Variants in UBAC2 observed in about 807,000 individuals in gnomAD.
UBAC2 encodes UBA domain containing 2.
Under a neutral mutation model 44.0 loss-of-function variants are expected in UBAC2, and 26 were observed. That is an observed-to-expected ratio of 0.59 (90% CI 0.43 to 0.82). The LOEUF is 0.82. UBAC2 is among the 40% of genes least tolerant of loss of function. The pLI is 0.00. For missense variants in UBAC2, 329 were observed against 419.4 expected (o/e 0.78, Z 1.88); for synonymous variants, 155 against 154.3 (o/e 1.00, Z -0.04).
rs1331534294 is a variant in UBAC2, at chr13:99,295,956, T to G, written c.390-18141T>G. 6.2e-7 allele frequency: 1 copy of G among 1,613,996 alleles called. No homozygotes were observed. The highest frequency in any genetic ancestry group is 8.5e-7 in the Non-Finnish European group (1 of 1,180,006). The stretch of plus-strand genomic sequence containing the variant: ...TTTGTTGAATAGAGGGTGGTAGAGT[T>G]GATTTTTTTCCTGTTTTGAACAATG... On this transcript the variant is annotated intron_variant, in intron 4 of 8. Coordinates refer to ENST00000403766, the MANE Select transcript of UBAC2 (RefSeq NM_001144072.2). The surrounding 1 kb of genome is among the most constrained non-coding windows in gnomAD (Gnocchi z 4.1).
intron 7 of UBAC2, among the ~76,000 whole-genome samples, chr13:99,365,330 C>T (rs1244289099): frequency 1.3e-5 from 2 of 152,012 alleles, no homozygotes; most frequent in Non-Finnish European, 2.9e-5. Flanking sequence ...TTTCTACTTT[C>T]TTCTTTCTCA....
chr13:99,307,406 T>C (rs2044351843), intron 4 of UBAC2: 1 of 152,336 alleles, frequency 6.6e-6, no homozygotes, highest in East Asian at 1.9e-4. Context: ...AAGTAAGTTT[T>C]AACTGTGGCA....
chr13:99,317,352 A>T (rs557929782), intron 5 of UBAC2, among the ~76,000 whole-genome samples: 1 of 151,918 alleles, frequency 6.6e-6, no homozygotes, highest in South Asian at 2.1e-4. Flanking sequence ...AGTCCTTATG[A>T]TTTTTTTTTA....
intron 4 of UBAC2, among the ~76,000 whole-genome samples, chr13:99,301,550 T>TAG (rs1270357635): frequency 5.6e-4 from 86 of 152,352 alleles, no homozygotes; most frequent in Non-Finnish European, 8.4e-4. Context: ...TCATTGCTAA[T>TAG]AGAGTTGCTA....
intron 4 of UBAC2, among the ~76,000 whole-genome samples, chr13:99,306,159 G>C (rs573629787): frequency 4.6e-5 from 7 of 152,222 alleles, no homozygotes; most frequent in African/African-American, 1.4e-4. Flanking sequence ...GCCTCCCAAA[G>C]TGCTGGGATT....
intron 4 of UBAC2, among the ~76,000 whole-genome samples, chr13:99,293,351 A>G (rs1282359978): frequency 6.6e-6 from 1 of 152,140 alleles, no homozygotes; most frequent in African/African-American, 2.4e-5. Flanking sequence ...GTTGGCTCAT[A>G]CATCCCAGAA....
At chr13:99,377,143 G>A (rs1334758553) in intron 8 of UBAC2, 1 of 152,204 alleles carries the variant, frequency 6.6e-6, no homozygotes, top group Non-Finnish European at 1.5e-5. Context: ...TCTCTAACTG[G>A]TGCTGGGCAC....
In UBAC2 at chr13:99,295,163, C is replaced by T. The variant is rs1324731573; in HGVS notation, c.390-18934C>T. ...CTTCACAGCACTAGAAATCGATACACTGACTTGCCGTTTCAGCATCCTCAT... is the reference window on the plus strand; with the variant it reads ...CTTCACAGCACTAGAAATCGATACATTGACTTGCCGTTTCAGCATCCTCAT... On this transcript the variant is annotated intron_variant, in intron 4 of 8. Coordinates refer to ENST00000403766, the MANE Select transcript of UBAC2 (RefSeq NM_001144072.2). The surrounding 1 kb of genome is among the most constrained non-coding windows in gnomAD (Gnocchi z 4.1). The T allele has an allele frequency of 1.4e-5, 22 of 1,614,148 alleles. No homozygotes were observed. Among genetic ancestry groups the T allele is most frequent in the Non-Finnish European group, 1.8e-5 (21 of 1,180,016 alleles).
Position 99,345,511 on chromosome 13 carries a change from A to G in UBAC2, c.807+4946A>G, listed in dbSNP as rs564209443. Among the ~76,000 whole-genome samples the G allele has an allele frequency of 7.2e-5, 11 of 152,170 alleles. No homozygotes were observed. The South Asian group carries it at 8.3e-4, about 11-fold the overall frequency. On this transcript the variant is annotated intron_variant, in intron 7 of 8. Coordinates refer to ENST00000403766, the MANE Select transcript of UBAC2 (RefSeq NM_001144072.2). Reference sequence around the variant, plus strand: ...CACTCCCTAAATAGGTTGTTTCCCAAGACTCAGTTCTCTGCCTACTGAGCT... The same window carrying G: ...CACTCCCTAAATAGGTTGTTTCCCAGGACTCAGTTCTCTGCCTACTGAGCT...
intron 4 of UBAC2, among the ~76,000 whole-genome samples, chr13:99,267,288 A>G (rs1163713968): frequency 6.6e-6 from 1 of 152,142 alleles, no homozygotes. Context: ...GATGATTTGC[A>G]AATATTTTTT....
At chr13:99,252,487 A>G (rs1049459494) in intron 4 of UBAC2, among the ~76,000 whole-genome samples, 1 of 152,240 alleles carries the variant, frequency 6.6e-6, no homozygotes, top group African/African-American at 2.4e-5. Flanking sequence ...TAGAAATTGT[A>G]GCTGACATGA....
chr13:99,312,511 T>G (rs2044425542), intron 4 of UBAC2, among the ~76,000 whole-genome samples: 1 of 152,214 alleles, frequency 6.6e-6, no homozygotes, highest in South Asian at 2.1e-4. Context: ...CAAGGACTGC[T>G]TCTTTCTCTT....
intron 1 of UBAC2, among the ~76,000 whole-genome samples, chr13:99,228,945 T>C (rs906178005): frequency 1.3e-5 from 2 of 152,248 alleles, no homozygotes; most frequent in Non-Finnish European, 2.9e-5. Context: ...CAACTGTAAC[T>C]GGTAAATTCG....
intron 4 of UBAC2, among the ~76,000 whole-genome samples, chr13:99,305,328 T>G (rs2044316464): frequency 6.6e-6 from 1 of 152,162 alleles, no homozygotes; most frequent in Admixed American, 6.5e-5. Flanking sequence ...CCAGACTTCT[T>G]GAGAAGGTGA....
intron 4 of UBAC2, chr13:99,256,051 C>T (rs61970278): frequency 0.11 from 61,029 of 570,980 alleles, 4,182 homozygotes; most frequent in South Asian, 0.25. Flanking sequence ...AACTACTGAA[C>T]ATTCACAGTA....
chr13:99,328,539 A>G (rs1052633496), intron 6 of UBAC2, among the ~76,000 whole-genome samples: 17 of 152,174 alleles, frequency 1.1e-4, no homozygotes, highest in African/African-American at 4.1e-4. Flanking sequence ...TAGCCGCTCT[A>G]TTGGGTGTGT....
At chr13:99,337,138 C>A (rs1033002344) in intron 6 of UBAC2, among the ~76,000 whole-genome samples, 3 of 152,140 alleles carry the variant, frequency 2.0e-5, no homozygotes, top group African/African-American at 7.2e-5. Flanking sequence ...TTTTAAAATG[C>A]AAACCTTAAA....
chr13:99,328,359 T>C lies in UBAC2; in HGVS notation c.561+10290T>C, dbSNP rs116328390. The stretch of plus-strand genomic sequence containing the variant: ...TGTGTGGACATATGTTTTCCTTCTT[T>C]AGGAACGGAATTGCTGGGTCATATG... On this transcript the variant is annotated intron_variant, in intron 6 of 8. Coordinates refer to ENST00000403766, the MANE Select transcript of UBAC2 (RefSeq NM_001144072.2). 2.9e-3 allele frequency among the ~76,000 whole-genome samples: 448 copies of C among 152,334 alleles called. 2 individuals carry two copies. Among genetic ancestry groups the C allele is most frequent in the African/African-American group, 0.01 (434 of 41,574 alleles).
At chr13:99,321,726 G>C (rs1003008782) in intron 6 of UBAC2, among the ~76,000 whole-genome samples, 5 of 152,194 alleles carry the variant, frequency 3.3e-5, no homozygotes, top group Non-Finnish European at 7.3e-5. Flanking sequence ...TGTCAGTACA[G>C]TATTTTACTA....
Sources: gnomAD v4.1 joint callset for allele counts (sites outside exome capture counted in the v4.1 genomes callset) on GRCh38, gnomAD v4.1.1 for gene constraint, Gnocchi (gnomAD v3.1) non-coding constraint, MANE v1.5 for transcripts, NCBI Gene and HGNC (gene_info 2026-07-23, HGNC 2026-07-21) for gene names.